CDH18: variants seen among roughly 807,000 people sequenced by gnomAD.
The protein encoded by CDH18 is cadherin 18, also known as cadherin-18.
A neutral mutation model predicts 67.9 loss-of-function variants in CDH18; 31 were observed. The observed-to-expected ratio is 0.46, with a 90% CI of 0.34 to 0.62. CDH18 has a LOEUF of 0.62. Ranked by LOEUF, CDH18 falls within the 20% of genes least tolerant of loss-of-function variation. CDH18 has a pLI of 0.01. For missense variants in CDH18, 890 were observed against 975.5 expected (o/e 0.91, Z 1.17); for synonymous variants, 362 against 347.2 (o/e 1.04, Z -0.48).
chr5:19,985,432 G>T (rs562969300), intron 1 of CDH18, among the ~76,000 whole-genome samples: 53 of 152,026 alleles, frequency 3.5e-4, no homozygotes, highest in African/African-American at 1.2e-3. Flanking sequence ...TCTAAGCAGT[G>T]GTTCTCAATG....
chr5:20,146,952 G>A (rs1211950523), intron 2 of CDH18, among the ~76,000 whole-genome samples: 3 of 151,882 alleles, frequency 2.0e-5, no homozygotes, highest in Non-Finnish European at 2.9e-5. Flanking sequence ...AGGAAAAATT[G>A]CAAATTAAAA....
intron 1 of CDH18, among the ~76,000 whole-genome samples, chr5:20,497,741 A>G (rs1047972730): frequency 3.9e-5 from 6 of 152,170 alleles, no homozygotes; most frequent in Non-Finnish European, 8.8e-5. Context: ...AGAGACCCTC[A>G]TGAGAAAATA....
intron 2 of CDH18, among the ~76,000 whole-genome samples, chr5:20,109,620 G>A (rs914989858): frequency 3.3e-5 from 5 of 152,118 alleles, no homozygotes; most frequent in Admixed American, 2.6e-4. Flanking sequence ...GTTCCCCTAA[G>A]GCTGTGTTTA....
At chr5:20,117,712 T>G (rs1748036903) in intron 2 of CDH18, among the ~76,000 whole-genome samples, 1 of 152,188 alleles carries the variant, frequency 6.6e-6, no homozygotes, top group Non-Finnish European at 1.5e-5. Context: ...TATTAAGTAT[T>G]TTCAAACATT....
At chr5:19,994,868 A>AGAGAGG (rs1735871477) in intron 2 of CDH18, among the ~76,000 whole-genome samples, 1 of 138,672 alleles carries the variant, frequency 7.2e-6, no homozygotes, top group Non-Finnish European at 1.5e-5. Flanking sequence ...AGAGAGAGAG[A>AGAGAGG]GAGAGAGAGA....
intron 2 of CDH18, among the ~76,000 whole-genome samples, chr5:20,136,470 G>A (rs1027395821): frequency 5.9e-5 from 9 of 152,068 alleles, no homozygotes; most frequent in Non-Finnish European, 1.2e-4. Flanking sequence ...TTTATTTTGA[G>A]TCTATGTGTG....
intron 2 of CDH18, among the ~76,000 whole-genome samples, chr5:20,180,832 GCT>G (rs1429346073): frequency 6.6e-6 from 1 of 152,138 alleles, no homozygotes; most frequent in Admixed American, 6.6e-5. Flanking sequence ...TGCATTGCGG[GCT>G]GCTGGCCAGA....
At chr5:20,286,040 A>G (rs965393222) in intron 1 of CDH18, among the ~76,000 whole-genome samples, 1 of 151,662 alleles carries the variant, frequency 6.6e-6, no homozygotes, top group African/African-American at 2.4e-5. Flanking sequence ...GAAAAGCTCA[A>G]CAAGTGTGAA....
chr5:20,171,189 A>T (rs995579043), intron 2 of CDH18, among the ~76,000 whole-genome samples: 4 of 151,970 alleles, frequency 2.6e-5, no homozygotes, highest in African/African-American at 9.7e-5. Context: ...ATTCATACAT[A>T]TGTCTTTGTG....
chr5:19,862,614 A>C (rs1785027461), intron 2 of CDH18, among the ~76,000 whole-genome samples: 2 of 152,226 alleles, frequency 1.3e-5, no homozygotes, highest in Non-Finnish European at 2.9e-5. Context: ...AACATACCTC[A>C]GTACTGCAGG....
chr5:19,496,113 T>G (rs2126707252), intron 11 of CDH18, among the ~76,000 whole-genome samples: 1 of 152,308 alleles, frequency 6.6e-6, no homozygotes, highest in Non-Finnish European at 1.5e-5. Context: ...GCTTTTTTGT[T>G]ATATCTTGGT....
In CDH18 at chr5:19,473,018, T is replaced by C; in HGVS notation, c.*208A>G. 1.9e-6 allele frequency: 1 copy of C among 530,238 alleles called. No individual in the cohort carries two copies. The highest frequency in any genetic ancestry group is 3.2e-6 in the Non-Finnish European group (1 of 308,056). 32.8% of individuals were successfully genotyped at this position (530,238 alleles called of 1,614,324 possible). ...ATATACACAAGGAACAATAACTTTT[T>C]CTTTGTATTGTCTTTTTTTTTTTTT... On this transcript the variant is annotated 3_prime_UTR_variant, in exon 13 of 13. Transcript: ENST00000382275.
intron 2 of CDH18, among the ~76,000 whole-genome samples, chr5:19,881,928 C>A (rs1787703945): frequency 6.6e-6 from 1 of 152,048 alleles, no homozygotes; most frequent in African/African-American, 2.4e-5. Context: ...TGTAGTTCAA[C>A]AGGGGAACAA....
In CDH18 at chr5:20,042,154, G is replaced by A. The variant is rs1378208341; in HGVS notation, c.-517-50140C>T. 2.6e-5 allele frequency among the ~76,000 whole-genome samples: 4 copies of A among 152,018 alleles called. No homozygotes were observed. In the East Asian group the frequency reaches 7.7e-4, roughly 29 times the overall value. On this transcript the variant is annotated intron_variant, in intron 2 of 14. Transcript: ENST00000507958. The stretch of plus-strand genomic sequence containing the variant: ...TCCGCCAGCTGAGAGTACCTTTTTT[G>A]CTTAATCATGCAAGATGAGGAGTAG...
intron 2 of CDH18, among the ~76,000 whole-genome samples, chr5:20,216,484 T>C (rs1023878393): frequency 1.3e-5 from 2 of 151,992 alleles, no homozygotes; most frequent in Non-Finnish European, 2.9e-5. Flanking sequence ...AACCTGAAGA[T>C]AGAAAGTCAC....
chr5:20,150,466 C>CA (rs1373973112), intron 2 of CDH18, among the ~76,000 whole-genome samples: 1 of 151,764 alleles, frequency 6.6e-6, no homozygotes, highest in Non-Finnish European at 1.5e-5. Context: ...TAAAGAAACA[C>CA]AAAAAAGTAA....
intron 1 of CDH18, among the ~76,000 whole-genome samples, chr5:20,387,948 G>T (rs546819679): frequency 6.6e-6 from 1 of 152,228 alleles, no homozygotes; most frequent in African/African-American, 2.4e-5. Context: ...GCTTTTTGAT[G>T]TGCTGCTGGA....
At chr5:19,576,039 C>G (rs1239395924) in intron 7 of CDH18, among the ~76,000 whole-genome samples, 1 of 151,996 alleles carries the variant, frequency 6.6e-6, no homozygotes, top group East Asian at 1.9e-4. Flanking sequence ...CCCGTAGGGG[C>G]AGTGGCAAGC....
At chr5:19,559,592 G>A (rs1345901577) in intron 8 of CDH18, among the ~76,000 whole-genome samples, 1 of 151,912 alleles carries the variant, frequency 6.6e-6, no homozygotes, top group African/African-American at 2.4e-5. Context: ...CATTCCCCCT[G>A]AGAATTGGAA....
Sources: allele counts gnomAD v4.1 joint callset (sites outside exome capture counted in the v4.1 genomes callset), GRCh38; gene constraint gnomAD v4.1.1; transcripts MANE v1.5; gene names NCBI Gene and HGNC (gene_info 2026-07-23, HGNC 2026-07-21).